The following MAN1A2 variants were observed in gnomAD, a reference collection of about 807,000 sequenced individuals.
MAN1A2 encodes mannosidase alpha class 1A member 2, also known as mannosyl-oligosaccharide 1,2-alpha-mannosidase IB.
A neutral mutation model predicts 75.7 loss-of-function variants in MAN1A2; 26 were observed. The observed-to-expected ratio is 0.34, with a 90% CI of 0.25 to 0.48. MAN1A2 has a LOEUF of 0.48. Among genes scored for constraint, MAN1A2 ranks in the 20% least tolerant of loss-of-function variants. The pLI is 0.99. For missense variants in MAN1A2, 562 were observed against 775.5 expected, an observed-to-expected ratio of 0.72 and a Z score of 3.27; for synonymous variants, 247 against 264.6, an observed-to-expected ratio of 0.93 and a Z score of 0.65.
intron 1 of MAN1A2, among the ~76,000 whole-genome samples, chr1:117,373,915 ATT>A (rs35568370): frequency 2.0e-4 from 30 of 151,390 alleles, no homozygotes; most frequent in Middle Eastern, 3.4e-3. Flanking sequence ...ACATTAATTG[ATT>A]TTTTTTTTTA....
chr1:117,451,306 T>C (rs1034339637), intron 6 of MAN1A2, among the ~76,000 whole-genome samples: 14 of 152,250 alleles, frequency 9.2e-5, no homozygotes, highest in African/African-American at 3.4e-4. Context: ...TGGCTGTATT[T>C]ACCTAATGCC....
intron 5 of MAN1A2, among the ~76,000 whole-genome samples, chr1:117,423,508 A>G (rs1648262423): frequency 6.6e-6 from 1 of 151,982 alleles, no homozygotes; most frequent in Non-Finnish European, 1.5e-5. Context: ...ATATCTCTCC[A>G]TTTATTTATT....
intron 4 of MAN1A2, among the ~76,000 whole-genome samples, chr1:117,419,985 C>T (rs1648134924): frequency 1.3e-5 from 2 of 151,820 alleles, no homozygotes; most frequent in Admixed American, 1.3e-4. Context: ...CATTTATTTC[C>T]AAATAATTTA....
intron 5 of MAN1A2, among the ~76,000 whole-genome samples, chr1:117,430,212 AC>A (rs1173952018): frequency 5.8e-5 from 5 of 85,886 alleles, no homozygotes; most frequent in African/African-American, 5.0e-5. Flanking sequence ...CGGGGGGCTG[AC>A]CCCCCCACCT....
chr1:117,412,046 A>G, intron 3 of MAN1A2, among the ~76,000 whole-genome samples: 1 of 151,844 alleles, frequency 6.6e-6, no homozygotes, highest in Non-Finnish European at 1.5e-5. Flanking sequence ...AGAATTTACA[A>G]ATTGAATTTT....
At chr1:117,415,730 T>C (rs977270472) in intron 4 of MAN1A2, among the ~76,000 whole-genome samples, 1 of 151,780 alleles carries the variant, frequency 6.6e-6, no homozygotes, top group African/African-American at 2.4e-5. Context: ...GGCTCCTTGA[T>C]CATCAAGGAT....
At chr1:117,442,205 A>G (rs752292920) in intron 5 of MAN1A2, 26 bp from the exon 6 acceptor site, 3 of 1,375,860 alleles carry the variant, frequency 2.2e-6, no homozygotes, top group African/African-American at 1.4e-5. Context: ...GCTATAATTT[A>G]TGAATATTCA....
chr1:117,434,998 A>G lies in MAN1A2; in HGVS notation c.856-7233A>G, dbSNP rs77424571. On this transcript the variant is annotated intron_variant, in intron 5 of 12. Transcript: ENST00000356554. ...CTCAGGTTTCTGTTTTTGGTGCTAG[A>G]TTGATGGTACGATAGTTATTAAATA... Among the ~76,000 whole-genome samples the G allele has an allele frequency of 7.3e-3, 1,110 of 152,118 alleles. 18 individuals carry two copies. The highest frequency in any genetic ancestry group is 0.026 in the African/African-American group (1,062 of 41,486).
chr1:117,465,830 AAAG>A (rs1328622094), intron 7 of MAN1A2, among the ~76,000 whole-genome samples: 1 of 152,172 alleles, frequency 6.6e-6, no homozygotes, highest in Non-Finnish European at 1.5e-5. Context: ...TCAGGAACTT[AAAG>A]ATATCTATTG....
intron 1 of MAN1A2, among the ~76,000 whole-genome samples, chr1:117,380,121 A>G (rs927432329): frequency 6.6e-6 from 1 of 152,112 alleles, no homozygotes; most frequent in Non-Finnish European, 1.5e-5. Context: ...TAGAGGTTCT[A>G]ATTTCTTTAT....
intron 5 of MAN1A2, among the ~76,000 whole-genome samples, chr1:117,421,445 T>C (rs1648192250): frequency 6.6e-6 from 1 of 152,060 alleles, no homozygotes; most frequent in African/African-American, 2.4e-5. Flanking sequence ...AGGATTTTTT[T>C]TTCCCCCCAG....
chr1:117,461,026 A>T (rs896783071), intron 7 of MAN1A2, among the ~76,000 whole-genome samples: 1 of 152,196 alleles, frequency 6.6e-6, no homozygotes, highest in Non-Finnish European at 1.5e-5. Flanking sequence ...ACTAGAAATA[A>T]GAGTTTAATA....
intron 1 of MAN1A2, among the ~76,000 whole-genome samples, chr1:117,372,645 C>T (rs1027650162): frequency 1.3e-5 from 2 of 151,908 alleles, no homozygotes; most frequent in South Asian, 4.2e-4. Flanking sequence ...TTTTGCAGTA[C>T]CCAAAACCAG....
At chr1:117,383,481 AG>A in intron 1 of MAN1A2, among the ~76,000 whole-genome samples, 1 of 152,312 alleles carries the variant, frequency 6.6e-6, no homozygotes, top group East Asian at 1.9e-4. Context: ...AAAATGAATT[AG>A]GAAATCATTC....
intron 6 of MAN1A2, among the ~76,000 whole-genome samples, chr1:117,455,948 A>G (rs1649569404): frequency 6.6e-6 from 1 of 152,070 alleles, no homozygotes; most frequent in African/African-American, 2.4e-5. Context: ...CAAACAAGGA[A>G]GTTTTTACTT....
At chr1:117,486,321 G>A (rs1650699374) in intron 8 of MAN1A2, among the ~76,000 whole-genome samples, 1 of 151,936 alleles carries the variant, frequency 6.6e-6, no homozygotes, top group Admixed American at 6.6e-5. Flanking sequence ...TGGGAATTAT[G>A]ATTTTGTGGG....
intron 4 of MAN1A2, among the ~76,000 whole-genome samples, chr1:117,419,848 A>G (rs1404548131): frequency 6.6e-6 from 1 of 151,784 alleles, no homozygotes; most frequent in African/African-American, 2.4e-5. Context: ...CTTATAGGTA[A>G]TTTGCATTTT....
intron 1 of MAN1A2, among the ~76,000 whole-genome samples, chr1:117,394,575 TTTC>T (rs1653847163): frequency 6.6e-6 from 1 of 152,320 alleles, no homozygotes; most frequent in African/African-American, 2.4e-5. Flanking sequence ...CTCCATTCAC[TTTC>T]TTCTTCTGTT....
Position 117,368,148 on chromosome 1 carries a change from G to T in MAN1A2, c.-36G>T. ...GTATTCTACATTTGACATAAGATGAGAACTTTCTAAAGTATTCTCTCCAAG... is the reference window on the plus strand; with the variant it reads ...GTATTCTACATTTGACATAAGATGATAACTTTCTAAAGTATTCTCTCCAAG... On this transcript the variant is annotated 5_prime_UTR_variant, in exon 1 of 13. Transcript: ENST00000356554. 1 of 1,549,064 alleles carries T rather than the reference G, an allele frequency of 6.5e-7. No homozygotes were observed. The highest frequency in any genetic ancestry group is 8.7e-7 in the Non-Finnish European group (1 of 1,153,400).
Sources: allele counts gnomAD v4.1 joint callset (sites outside exome capture counted in the v4.1 genomes callset), GRCh38; gene constraint gnomAD v4.1.1; transcripts MANE v1.5; gene names NCBI Gene and HGNC (gene_info 2026-07-23, HGNC 2026-07-21).